The following CCDC196 variants were observed in gnomAD, a reference collection of about 807,000 sequenced individuals.
The protein encoded by CCDC196 is coiled-coil domain-containing protein 196.
At chr14:66,491,562 T>C (rs2057536708) in intron 6 of CCDC196, 64 bp from the exon 7 acceptor site, 1 of 413,214 alleles carries the variant, frequency 2.4e-6, no homozygotes, top group African/African-American at 2.1e-5. Flanking sequence ...TTTTGCAGCA[T>C]ATTGAGAAAA....
At chr14:66,496,870 G>A (rs756335018) in intron 8 of CCDC196, 6 of 155,616 alleles carry the variant, frequency 3.9e-5, no homozygotes, top group Non-Finnish European at 8.6e-5. Context: ...CGTTGGATGT[G>A]AGTATTATGC....
chr14:66,496,115 G>C, intron 8 of CCDC196: 1 of 357,358 alleles, frequency 2.8e-6, no homozygotes, highest in South Asian at 2.2e-5. Flanking sequence ...TTACAGGACA[G>C]CGTTTCTTTT....
At chr14:66,490,579 G>C (rs1387906979) in intron 4 of CCDC196, among the ~76,000 whole-genome samples, 163 bp from the exon 5 acceptor site, 3 of 152,164 alleles carry the variant, frequency 2.0e-5, no homozygotes, top group Non-Finnish European at 4.4e-5. Context: ...TGAATGAAAG[G>C]AAGGGCTCAT....
chr14:66,494,556 T>C (rs1171586296), intron 8 of CCDC196: 4 of 152,192 alleles, frequency 2.6e-5, no homozygotes, highest in Non-Finnish European at 5.9e-5. Context: ...GTTTCCTAAA[T>C]GCATTCCTTG....
chr14:66,489,071 C>G (rs2057477547), intron 4 of CCDC196, 34 bp downstream of exon 4: 1 of 412,972 alleles, frequency 2.4e-6, no homozygotes, highest in African/African-American at 2.1e-5. Context: ...AAGTATTGTC[C>G]TACAGATCAC....
rs2057554273 is a variant in CCDC196, at chr14:66,492,102, A to G, written c.623A>G (p.Asn208Ser). The G allele has an allele frequency of 1.5e-5, 6 of 413,510 alleles. No homozygotes were observed. Among genetic ancestry groups the G allele is most frequent in the Admixed American group, 4.4e-5 (1 of 22,718 alleles). The allele number at this position is 413,510 out of a possible 1,614,324, so 25.6% of individuals were successfully genotyped here. Residue 208 changes from asparagine to serine, a missense_variant, in exon 8 of 10, where the codon AAC (asparagine) becomes AGC (serine). Coordinates refer to ENST00000636229, the MANE Select transcript of CCDC196 (RefSeq NM_001351576.1). ...GAGCTGAGAATTGAAGCCTTGAAGAACTACCAGAAGGCCAATGACCTGAAA... is the reference window on the plus strand; with the variant it reads ...GAGCTGAGAATTGAAGCCTTGAAGAGCTACCAGAAGGCCAATGACCTGAAA... ...VIELRIEALKNYQKANDLKLS... is the reference protein window; with the variant it reads ...VIELRIEALKSYQKANDLKLS...
At chr14:66,496,950 T>A (rs1319435324) in intron 8 of CCDC196, 1 of 152,472 alleles carries the variant, frequency 6.6e-6, no homozygotes, top group East Asian at 1.9e-4. Flanking sequence ...TTATTTATTC[T>A]CTAACTCCTT....
chr14:66,486,872 C>T lies in CCDC196; in HGVS notation c.203+63C>T, dbSNP rs377588346. 5.2e-4 allele frequency: 216 copies of T among 411,450 alleles called. 7 individuals are homozygous for T. In the South Asian group the frequency reaches 0.029, roughly 54 times the overall value. The allele number at this position is 411,450 out of a possible 1,614,324, so 25.5% of individuals were successfully genotyped here. Reference sequence around the variant, plus strand: ...GCTGGAGAACTTGATCTCCAAAGGACTGGCAATAATTACTTACAATTTTTT... The same window carrying T: ...GCTGGAGAACTTGATCTCCAAAGGATTGGCAATAATTACTTACAATTTTTT... On this transcript the variant is annotated intron_variant, in intron 2 of 9. Transcript: ENST00000636229.
At chr14:66,498,053 T>G (rs1226563245) in intron 8 of CCDC196, 56 bp from the exon 9 acceptor site, 9 of 282,030 alleles carry the variant, frequency 3.2e-5, no homozygotes, top group South Asian at 2.3e-4. Flanking sequence ...AACTAGTGGT[T>G]TTTTTTTTTT....
chr14:66,486,669 A>G lies in CCDC196; in HGVS notation c.63A>G (p.Ile21Met). 7.3e-6 allele frequency: 3 copies of G among 413,572 alleles called. No homozygotes were observed. Among genetic ancestry groups the G allele is most frequent in the Non-Finnish European group, 1.3e-5 (3 of 226,150 alleles). The allele number at this position is 413,572 out of a possible 1,614,324, so 25.6% of individuals were successfully genotyped here. Reference sequence around the variant, plus strand: ...CCTCTTCCCACAGAAGTTCTAAAATAGATGACAACTACTTGAAGGAATTGA... The same window carrying G: ...CCTCTTCCCACAGAAGTTCTAAAATGGATGACAACTACTTGAAGGAATTGA... Reference protein sequence around the residue: ...YLPSEIRSSKIDDNYLKELNE... With the variant: ...YLPSEIRSSKMDDNYLKELNE... Residue 21 changes from isoleucine to methionine, a missense_variant, in exon 2 of 10, where the codon ATA becomes ATG. Transcript: ENST00000636229.
intron 3 of CCDC196, among the ~76,000 whole-genome samples, chr14:66,488,581 A>C (rs930529403): frequency 6.6e-6 from 1 of 152,194 alleles, no homozygotes; most frequent in East Asian, 1.9e-4. Flanking sequence ...TACCTATCAA[A>C]GTAAAAGAAA....
intron 3 of CCDC196, 39 bp from the exon 4 acceptor site, chr14:66,488,948 T>C (rs1326600794): frequency 2.4e-6 from 1 of 413,002 alleles, no homozygotes; most frequent in African/African-American, 2.1e-5. Flanking sequence ...GCTGGACAAA[T>C]ACATGCTTCT....
intron 8 of CCDC196, among the ~76,000 whole-genome samples, chr14:66,497,032 T>C (rs151132927): frequency 3.8e-4 from 58 of 152,290 alleles, no homozygotes; most frequent in African/African-American, 1.3e-3. Flanking sequence ...TCCTGATGGC[T>C]GAACTACACT....
intron 9 of CCDC196, 50 bp from the exon 10 acceptor site, chr14:66,498,303 G>C: frequency 2.4e-6 from 1 of 412,446 alleles, no homozygotes; most frequent in African/African-American, 2.1e-5. Flanking sequence ...GTGGGTGCTA[G>C]GGTACTCAAT....
Position 66,491,658 on chromosome 14 carries a change from G to C in CCDC196, c.546G>C (p.Lys182Asn), listed in dbSNP as rs1048628926. Residue 182 changes from lysine (K) to asparagine (N), a missense_variant, in exon 7 of 10, where the codon AAG becomes AAC. Transcript: ENST00000636229. ...EKQQRKMEWVKYQEQNNILQN... is the reference protein window; with the variant it reads ...EKQQRKMEWVNYQEQNNILQN... The stretch of plus-strand genomic sequence containing the variant: ...AACAGAGGAAAATGGAATGGGTCAA[G>C]TATCAGGAACAAAATAACATCCTTC... 11 of 413,846 alleles carry C rather than the reference G, an allele frequency of 2.7e-5. No individual in the cohort carries two copies. Among genetic ancestry groups the C allele is most frequent in the African/African-American group, 1.4e-4 (7 of 48,616 alleles). The allele number at this position is 413,846 out of a possible 1,614,324, so 25.6% of individuals were successfully genotyped here.
Position 66,486,779 on chromosome 14 carries a change from T to G in CCDC196, c.173T>G (p.Leu58Ter). 2 of 413,332 alleles carry G rather than the reference T, an allele frequency of 4.8e-6. No individual in the cohort carries two copies. The highest frequency in any genetic ancestry group is 8.8e-6 in the Non-Finnish European group (2 of 226,072). The allele number at this position is 413,332 out of a possible 1,614,324, so 25.6% of individuals were successfully genotyped here. Residue 58 changes from leucine to a stop codon, truncating the protein, a stop_gained, in exon 2 of 10, where the codon TTA (leucine) becomes TGA (stop). Coordinates refer to ENST00000636229, the MANE Select transcript of CCDC196 (RefSeq NM_001351576.1). LOFTEE classifies it high-confidence loss of function. ...EDKNNLLFQK[L>*]MSNLEEKQRS... ...AAAAACAACCTCTTATTTCAAAAGT[T>G]AATGTCTAACTTGGAGGAAAAACAA...
Position 66,490,802 on chromosome 14 carries a change from G to A in CCDC196, c.412G>A (p.Asp138Asn), listed in dbSNP as rs186119142. 5 of 399,730 alleles carry A rather than the reference G, an allele frequency of 1.3e-5. No homozygotes were observed. In the Admixed American group the frequency reaches 1.3e-4, roughly 11 times the overall value. 24.8% of individuals were successfully genotyped at this position (399,730 alleles called of 1,614,324 possible). A position where few individuals can be genotyped will look rare whatever the true frequency, so the allele number is the denominator to read the frequency against. Residue 138 changes from aspartate to asparagine, a missense_variant, in exon 5 of 10, where the codon GAC becomes AAC. By Grantham distance (23) the Asp-to-Asn change is conservative. Coordinates refer to ENST00000636229, the MANE Select transcript of CCDC196 (RefSeq NM_001351576.1). ...AGCACCACAGACAAAAAACAAGGCA[G>A]ACTTGCAGGATGGAAAGGCAAGTGG... is the stretch of plus-strand genomic sequence containing the variant. Reference protein sequence around the residue: ...QKAPQTKNKADLQDGKAPKSP... With the variant: ...QKAPQTKNKANLQDGKAPKSP...
At chr14:66,494,115 CCTTTT>C (rs2057606569) in intron 8 of CCDC196, among the ~76,000 whole-genome samples, 1 of 152,182 alleles carries the variant, frequency 6.6e-6, no homozygotes, top group Non-Finnish European at 1.5e-5. Flanking sequence ...TCTCTCCTTT[CCTTTT>C]ATGTTCCTGG....
rs562539421 is a variant in CCDC196, at chr14:66,498,330, T to C, written c.775-23T>C. On this transcript the variant is annotated intron_variant, in intron 9 of 9. Coordinates refer to ENST00000636229, the MANE Select transcript of CCDC196 (RefSeq NM_001351576.1). ...GTACTCAATATTTTAGCTGTCCTTT[T>C]TCCTCTGTTTTTTCCTGTCTAGAGA... The C allele has an allele frequency of 4.6e-5, 19 of 412,534 alleles. No homozygotes were observed. The South Asian group carries it at 2.4e-3, about 53-fold the overall frequency. The allele number at this position is 412,534 out of a possible 1,614,324, so 25.6% of individuals were successfully genotyped here.
Sources: allele counts gnomAD v4.1 joint callset (sites outside exome capture counted in the v4.1 genomes callset), GRCh38; gene constraint gnomAD v4.1.1; transcripts MANE v1.5; gene names NCBI Gene and HGNC (gene_info 2026-07-23, HGNC 2026-07-21).